SORCS2: variants seen among roughly 807,000 people sequenced by gnomAD.
The protein encoded by SORCS2 is sortilin related VPS10 domain containing receptor 2.
A neutral mutation model predicts 141.6 loss-of-function variants in SORCS2; 100 were observed. That is an observed-to-expected ratio of 0.71 (90% CI 0.60 to 0.83). The LOEUF is 0.83. SORCS2 is among the 40% of genes least tolerant of loss of function. The pLI, the probability that SORCS2 is intolerant of heterozygous loss-of-function variation, is 0.00. For missense variants in SORCS2, 1,646 were observed against 1,560.2 expected (o/e 1.05, Z -0.93); for synonymous variants, 789 against 676.9 (o/e 1.17, Z -2.57).
At chr4:7,472,714 C>T (rs1730052326) in intron 2 of SORCS2, among the ~76,000 whole-genome samples, 1 of 152,160 alleles carries the variant, frequency 6.6e-6, no homozygotes, top group South Asian at 2.1e-4. Flanking sequence ...CCGCTGGCCC[C>T]ATCCCATTAA....
At chr4:7,662,240 C>T (rs1351326903) in intron 6 of SORCS2, among the ~76,000 whole-genome samples, 8 of 149,764 alleles carry the variant, frequency 5.3e-5, no homozygotes, top group Admixed American at 5.3e-4. Flanking sequence ...CCCTCCCCCA[C>T]CCCCACCCTG....
At chr4:7,558,602 C>T (rs1187857740) in intron 3 of SORCS2, among the ~76,000 whole-genome samples, 3 of 152,086 alleles carry the variant, frequency 2.0e-5, no homozygotes, top group South Asian at 2.1e-4. Flanking sequence ...CTGGTCAGTT[C>T]ATTCCCACGC....
intron 3 of SORCS2, among the ~76,000 whole-genome samples, chr4:7,590,799 G>T (rs1397291977): frequency 6.6e-6 from 1 of 152,256 alleles, no homozygotes; most frequent in African/African-American, 2.4e-5. Flanking sequence ...CAGTAAGACT[G>T]ATGTGAGACT....
intron 2 of SORCS2, among the ~76,000 whole-genome samples, chr4:7,414,008 C>G (rs894787450): frequency 2.6e-5 from 4 of 152,092 alleles, no homozygotes; most frequent in Admixed American, 6.6e-5. Flanking sequence ...GACGAAAGAG[C>G]CATTTAGGGA....
Position 7,271,639 on chromosome 4 carries a change from C to T in SORCS2, c.480+78513C>T, listed in dbSNP as rs541951449. On this transcript the variant is annotated intron_variant, in intron 1 of 26. Transcript: ENST00000507866. ...CTTCATCATCCTGTCCATCTTGTGG[C>T]TCCCGTCTGCCACAGGAGGGGTGCG... Among the ~76,000 whole-genome samples the T allele has an allele frequency of 2.0e-5, 3 of 152,350 alleles. No individual in the cohort carries two copies. In the East Asian group the frequency reaches 5.8e-4, roughly 29 times the overall value.
At chr4:7,303,047 A>G (rs1717548727) in intron 1 of SORCS2, among the ~76,000 whole-genome samples, 1 of 152,154 alleles carries the variant, frequency 6.6e-6, no homozygotes, top group South Asian at 2.1e-4. Context: ...TGGAATGTTA[A>G]TGCGGCCAGT....
chr4:7,517,390 C>T (rs1733056449), intron 2 of SORCS2, among the ~76,000 whole-genome samples: 1 of 152,152 alleles, frequency 6.6e-6, no homozygotes, highest in Non-Finnish European at 1.5e-5. Context: ...TAAATATTAT[C>T]ATGCATGTTT....
Position 7,409,012 on chromosome 4 carries a change from A to G in SORCS2, c.548+12657A>G, listed in dbSNP as rs143247132. On this transcript the variant is annotated intron_variant, in intron 2 of 26. Transcript: ENST00000507866. ...GTGTTATCTTGAAGTTTTCTTAAAG[A>G]TGCAGTTTTTAATTCTTGGTCAAGG... Among the ~76,000 whole-genome samples the G allele has an allele frequency of 6.4e-3, 975 of 152,296 alleles. 15 individuals carry two copies. Among genetic ancestry groups the G allele is most frequent in the Middle Eastern group, 0.014 (4 of 294 alleles).
chr4:7,696,613 A>G (rs1050151849), intron 11 of SORCS2, among the ~76,000 whole-genome samples: 8 of 152,196 alleles, frequency 5.3e-5, no homozygotes, highest in African/African-American at 1.7e-4. Context: ...GATGGACCCA[A>G]TCAGCCCAGT....
At chr4:7,394,661 T>C (rs1390356492) in intron 1 of SORCS2, among the ~76,000 whole-genome samples, 4 of 151,922 alleles carry the variant, frequency 2.6e-5, no homozygotes. Context: ...GCTGGGTGAT[T>C]GGGTGACTGT....
intron 1 of SORCS2, among the ~76,000 whole-genome samples, chr4:7,396,012 A>G (rs932662460): frequency 6.6e-6 from 1 of 152,202 alleles, no homozygotes; most frequent in African/African-American, 2.4e-5. Context: ...ATTATTTCCA[A>G]CAAATGGCAG....
chr4:7,309,383 C>T (rs1200946726), intron 1 of SORCS2, among the ~76,000 whole-genome samples: 2 of 152,136 alleles, frequency 1.3e-5, no homozygotes, highest in Admixed American at 6.5e-5. Context: ...AGCCTCAGCC[C>T]GTCTGGCAGC....
intron 11 of SORCS2, among the ~76,000 whole-genome samples, chr4:7,693,710 C>T (rs1724404687): frequency 6.6e-6 from 1 of 152,258 alleles, no homozygotes; most frequent in African/African-American, 2.4e-5. Context: ...GGGAGCACCA[C>T]AGCCTGCCCT....
At chr4:7,503,775 G>A (rs1468456931) in intron 2 of SORCS2, among the ~76,000 whole-genome samples, 1 of 152,180 alleles carries the variant, frequency 6.6e-6, no homozygotes, top group East Asian at 1.9e-4. Context: ...CAACGTGTAT[G>A]GAACAAAGGA....
chr4:7,463,655 A>C (rs191342489), intron 2 of SORCS2, among the ~76,000 whole-genome samples: 1 of 152,190 alleles, frequency 6.6e-6, no homozygotes, highest in Non-Finnish European at 1.5e-5. Context: ...AAATAAGATC[A>C]GTGATTTGTG....
chr4:7,624,955 G>A (rs903555241), intron 3 of SORCS2, among the ~76,000 whole-genome samples: 5 of 152,166 alleles, frequency 3.3e-5, no homozygotes, highest in African/African-American at 1.2e-4. Context: ...CTACACACAA[G>A]ATCATTAATA....
chr4:7,534,357 C>T (rs1456302581), intron 3 of SORCS2, among the ~76,000 whole-genome samples: 1 of 152,176 alleles, frequency 6.6e-6, no homozygotes, highest in African/African-American at 2.4e-5. Context: ...CCACAGGTGT[C>T]TCACCTGTAA....
In SORCS2 at chr4:7,664,180, T is replaced by G. The variant is rs1401927192; in HGVS notation, c.953-173T>G. ...GTGTCAGAGTGCAGGTGGCCCACAG[T>G]GAGCGAGGATGACACCCTCAGCCGC... is the stretch of plus-strand genomic sequence containing the variant. On this transcript the variant is annotated intron_variant, in intron 6 of 26. Transcript: ENST00000507866. The surrounding 1 kb of genome is among the most constrained non-coding windows in gnomAD (Gnocchi z 4.7). Among the ~76,000 whole-genome samples, 1 of 152,068 alleles carries G rather than the reference T, an allele frequency of 6.6e-6. No homozygotes were observed. Among genetic ancestry groups the G allele is most frequent in the African/African-American group, 2.4e-5 (1 of 41,402 alleles).
At chr4:7,224,430 G>A (rs13133665) in intron 1 of SORCS2, among the ~76,000 whole-genome samples, 36,239 of 152,104 alleles carry the variant, frequency 0.24, 4,426 homozygotes, top group Middle Eastern at 0.25. Context: ...GCAGCAGCAG[G>A]CTTTGGCCAA....
Sources: gnomAD v4.1 joint callset for allele counts (sites outside exome capture counted in the v4.1 genomes callset) on GRCh38, gnomAD v4.1.1 for gene constraint, Gnocchi (gnomAD v3.1) non-coding constraint, MANE v1.5 for transcripts, NCBI Gene and HGNC (gene_info 2026-07-23, HGNC 2026-07-21) for gene names.